Variants in SULF1 observed in about 807,000 individuals in gnomAD.
SULF1 encodes extracellular sulfatase Sulf-1.
In SULF1, 46 loss-of-function variants were observed where a neutral mutation model predicts 110.5. That is an observed-to-expected ratio of 0.42 (90% CI 0.33 to 0.53). The LOEUF is 0.53. Among genes scored for constraint, SULF1 ranks in the 20% least tolerant of loss-of-function variants. The pLI, the probability that SULF1 is intolerant of heterozygous loss-of-function variation, is 0.12. For missense variants in SULF1, 941 were observed against 1,094.2 expected (o/e 0.86, Z 1.98); for synonymous variants, 371 against 387.1 (o/e 0.96, Z 0.49).
At chr8:69,563,252 A>T (rs2150719108) in intron 3 of SULF1, 1 of 152,228 alleles carries the variant, frequency 6.6e-6, no homozygotes, top group East Asian at 1.9e-4. Flanking sequence ...TTCCTAATCG[A>T]TCGTCAGCTC....
At chr8:69,590,115 G>A (rs1806782490) in intron 8 of SULF1, among the ~76,000 whole-genome samples, 1 of 152,156 alleles carries the variant, frequency 6.6e-6, no homozygotes, top group Admixed American at 6.6e-5. Flanking sequence ...TAACTATGCA[G>A]GCTCTCTAGT....
chr8:69,474,639 G>C (rs1194001133), intron 1 of SULF1, among the ~76,000 whole-genome samples: 1 of 152,124 alleles, frequency 6.6e-6, no homozygotes, highest in African/African-American at 2.4e-5. Context: ...CATAGGACAT[G>C]TAATATTTTT....
At chr8:69,610,675 A>G (rs1182964275) in intron 13 of SULF1, among the ~76,000 whole-genome samples, 1 of 152,228 alleles carries the variant, frequency 6.6e-6, no homozygotes, top group African/African-American at 2.4e-5. Flanking sequence ...ACTTCTGTGC[A>G]TTTGTTCTAA....
At chr8:69,608,511 C>T (rs1459384299) in intron 13 of SULF1, among the ~76,000 whole-genome samples, 1 of 152,110 alleles carries the variant, frequency 6.6e-6, no homozygotes, top group East Asian at 1.9e-4. Flanking sequence ...CATAGTGAAA[C>T]CCCATCTCTA....
chr8:69,470,598 T>C (rs1247528608), intron 1 of SULF1, among the ~76,000 whole-genome samples: 4 of 152,128 alleles, frequency 2.6e-5, no homozygotes, highest in Non-Finnish European at 5.9e-5. Flanking sequence ...TCATCTCACA[T>C]GTGGGCCATT....
chr8:69,538,033 T>G (rs1203549487), intron 3 of SULF1, among the ~76,000 whole-genome samples: 4 of 151,362 alleles, frequency 2.6e-5, no homozygotes, highest in Admixed American at 6.6e-5. Context: ...CCATCTCGGC[T>G]CACTGCAGGC....
At chr8:69,591,325 C>T (rs374920487) in intron 8 of SULF1, among the ~76,000 whole-genome samples, 24 of 151,970 alleles carry the variant, frequency 1.6e-4, no homozygotes, top group African/African-American at 5.1e-4. Context: ...GAGGCCGAGG[C>T]GGGCGGATCA....
intron 8 of SULF1, among the ~76,000 whole-genome samples, chr8:69,589,510 A>G (rs769314057): frequency 1.2e-4 from 19 of 152,212 alleles, no homozygotes; most frequent in Non-Finnish European, 1.8e-4. Context: ...ATAGCTGCAC[A>G]GTGGGGACCT....
In SULF1 at chr8:69,510,219, AC is replaced by A. The variant is rs1811459677; in HGVS notation, c.-134+8254del. 2.0e-5 allele frequency among the ~76,000 whole-genome samples: 3 copies of A among 152,304 alleles called. No individual in the cohort carries two copies. The South Asian group carries it at 6.2e-4, about 32-fold the overall frequency. On this transcript the variant is annotated intron_variant, in intron 3 of 22. Coordinates refer to ENST00000402687, the MANE Select transcript of SULF1 (RefSeq NM_001128205.2). Reference sequence around the variant, plus strand: ...CTTTGGGAGGCGTTCAAGAGTTATCACCCACAAAAGTGAACTTGTCTTCTCA... The same window carrying A: ...CTTTGGGAGGCGTTCAAGAGTTATCACCACAAAAGTGAACTTGTCTTCTCA...
chr8:69,600,497 A>C (rs1345624967), intron 8 of SULF1, 106 bp from the exon 9 acceptor site: 10 of 1,088,632 alleles, frequency 9.2e-6, no homozygotes, highest in Non-Finnish European at 1.2e-5. Flanking sequence ...ATGTTTTAGC[A>C]GTGTCTCAAT....
chr8:69,565,714 C>A (rs1372193485), intron 5 of SULF1, among the ~76,000 whole-genome samples: 1 of 152,150 alleles, frequency 6.6e-6, no homozygotes, highest in Admixed American at 6.5e-5. Context: ...CTGCTTAAGT[C>A]CCTTCTGTGG....
Position 69,638,745 on chromosome 8 carries a change from C to G in SULF1, c.2438C>G (p.Thr813Arg). 6.2e-7 allele frequency: 1 copy of G among 1,614,014 alleles called. No homozygotes were observed. Among genetic ancestry groups the G allele is most frequent in the Non-Finnish European group, 8.5e-7 (1 of 1,180,012 alleles). ...TGTCTGCATTCACAGCTCACAAATA[C>G]AGTGCACACGGTAGAACGAGGCATT... ...MNTDPYQLTN[T>R]VHTVERGILN... Residue 813 changes from threonine to arginine, a missense_variant, in exon 21 of 23, where the codon ACA becomes AGA. Coordinates refer to ENST00000402687, the MANE Select transcript of SULF1 (RefSeq NM_001128205.2).
chr8:69,638,525 A>G lies in SULF1; in HGVS notation c.2308A>G (p.Ser770Gly). 1 of 1,612,702 alleles carries G rather than the reference A, an allele frequency of 6.2e-7. No homozygotes were observed. The highest frequency in any genetic ancestry group is 8.5e-7 in the Non-Finnish European group (1 of 1,179,786). The change falls in exon 20 of 23, where the codon AGT becomes GGT. Residue 770 changes from serine to glycine, a missense_variant. By Grantham distance (56) the Ser-to-Gly change is moderately conservative. Around this residue, in one of 3 missense-constraint regions of SULF1, gnomAD observed 112 missense variants for 133.5 expected, o/e 0.84. Transcript: ENST00000402687. ...AGTGGGATCTTTCTGTGCTTGCACG[A>G]GTTCTAACAATAACACCTACTGGTG... ...WNLGSFCACT[S>G]SNNNTYWCLR...
chr8:69,534,082 T>C (rs1373380346), intron 3 of SULF1, among the ~76,000 whole-genome samples: 4 of 152,264 alleles, frequency 2.6e-5, no homozygotes, highest in Admixed American at 2.0e-4. Flanking sequence ...TTTGGGAAAA[T>C]ATTTTGCTAA....
At chr8:69,620,982 T>C in intron 13 of SULF1, 53 bp from the exon 14 acceptor site, 1 of 1,474,052 alleles carries the variant, frequency 6.8e-7, no homozygotes, top group South Asian at 1.3e-5. Flanking sequence ...CAGCTCTTAA[T>C]AAATAACACC....
intron 3 of SULF1, among the ~76,000 whole-genome samples, chr8:69,516,172 AT>A (rs1811905917): frequency 6.6e-6 from 1 of 152,132 alleles, no homozygotes; most frequent in Admixed American, 6.5e-5. Context: ...TCATTCTCAC[AT>A]TGCTATAAAG....
chr8:69,600,558 C>G, intron 8 of SULF1, 45 bp from the exon 9 acceptor site: 1 of 1,514,584 alleles, frequency 6.6e-7, no homozygotes, highest in Non-Finnish European at 8.9e-7. Context: ...TCCTAAAAGA[C>G]TAAGTAAGAA....
chr8:69,587,455 C>A (rs1806549716), intron 7 of SULF1, among the ~76,000 whole-genome samples: 1 of 152,152 alleles, frequency 6.6e-6, no homozygotes, highest in African/African-American at 2.4e-5. Context: ...TTAAGTCCAG[C>A]TCCTTTATAC....
chr8:69,617,397 A>G lies in SULF1; in HGVS notation c.1378-3638A>G, dbSNP rs1483662153. 2.1e-3 allele frequency among the ~76,000 whole-genome samples: 48 copies of G among 22,438 alleles called. 1 individual carries two copies. Among genetic ancestry groups the G allele is most frequent in the African/African-American group, 0.01 (33 of 3,284 alleles). The allele number at this position is 22,438 out of a possible 152,430, so 14.7% of individuals were successfully genotyped here. ...GCTATATATATATATATATATATAT[A>G]TATATATATATATATATATATATAT... is the stretch of plus-strand genomic sequence containing the variant. On this transcript the variant is annotated intron_variant, in intron 13 of 22. Coordinates refer to ENST00000402687, the MANE Select transcript of SULF1 (RefSeq NM_001128205.2).
Sources: allele counts gnomAD v4.1 joint callset (sites outside exome capture counted in the v4.1 genomes callset), GRCh38; gene constraint gnomAD v4.1.1; regional missense constraint gnomAD v4.1.1; transcripts MANE v1.5; gene names NCBI Gene and HGNC (gene_info 2026-07-23, HGNC 2026-07-21).